Variants in ATRX observed in about 807,000 individuals in gnomAD.
The protein encoded by ATRX is chromatin remodeler ATRX.
Under a neutral mutation model 172.6 loss-of-function variants are expected in ATRX, and 12 were observed. The ratio of observed to expected loss-of-function variants is 0.07; its 90% CI spans 0.04 to 0.11. ATRX has a LOEUF of 0.11. Ranked by LOEUF, ATRX falls within the 10% of genes least tolerant of loss-of-function variation. The probability of loss-of-function intolerance (pLI) is 1.00; values close to 1 mark genes in which losing one functional copy is unlikely to be tolerated. For synonymous variants in ATRX, 674 were observed against 594.7 expected (o/e 1.13, Z -1.94); for missense variants, 1,368 against 1,767.4 (o/e 0.77, Z 4.05).
intron 22 of ATRX, among the ~76,000 whole-genome samples, chrX:77,613,712 C>T (rs782564461): frequency 8.9e-6 from 1 of 112,056 alleles, no homozygotes; most frequent in African/African-American, 3.2e-5. Flanking sequence ...CATGTGAATC[C>T]CTTATCAGAT....
chrX:77,597,057 C>G, intron 25 of ATRX, among the ~76,000 whole-genome samples: 1 of 111,117 alleles, frequency 9.0e-6, no homozygotes, highest in South Asian at 3.8e-4. Context: ...ATTGGGGCAG[C>G]AGCAGCAGGG....
At chrX:77,514,566 G>A (rs1184874660) in intron 34 of ATRX, among the ~76,000 whole-genome samples, 1 of 112,217 alleles carries the variant, frequency 8.9e-6, no homozygotes, top group Non-Finnish European at 1.9e-5. Flanking sequence ...GGAGAAGATT[G>A]AAACTGGACC....
At chrX:77,549,941 G>A (rs181414267) in intron 30 of ATRX, among the ~76,000 whole-genome samples, 167 of 111,119 alleles carry the variant, frequency 1.5e-3, no homozygotes, top group African/African-American at 5.2e-3. Flanking sequence ...GCAATAGAAC[G>A]AGACCTTGTC....
At chrX:77,701,761 G>A (rs1273934600) in intron 2 of ATRX, among the ~76,000 whole-genome samples, 1 of 111,448 alleles carries the variant, frequency 9.0e-6, no homozygotes. Context: ...TAAAATGAAG[G>A]TATGAAACTA....
At chrX:77,607,993 G>A (rs1055382009) in intron 22 of ATRX, among the ~76,000 whole-genome samples, 1 of 110,917 alleles carries the variant, frequency 9.0e-6, no homozygotes, top group Non-Finnish European at 1.9e-5. Flanking sequence ...GCTATCCTGA[G>A]CTAAATGAAC....
chrX:77,605,300 C>T (rs1007749944), intron 22 of ATRX, among the ~76,000 whole-genome samples: 5 of 110,697 alleles, frequency 4.5e-5, no homozygotes, highest in Non-Finnish European at 9.5e-5. Flanking sequence ...TGGTGGTGGG[C>T]GCCTGTAATC....
At chrX:77,583,774 G>T (rs2065912888) in intron 27 of ATRX, among the ~76,000 whole-genome samples, 1 of 111,556 alleles carries the variant, frequency 9.0e-6, no homozygotes, top group African/African-American at 3.3e-5. Context: ...ATTCAACATA[G>T]TAGTGGAAGT....
intron 1 of ATRX, among the ~76,000 whole-genome samples, chrX:77,766,104 C>A (rs1443692281): frequency 1.8e-5 from 2 of 110,908 alleles, no homozygotes. Context: ...TACACAGACA[C>A]GGCAACCATC....
chrX:77,560,572 C>T (rs1295800761), intron 28 of ATRX, among the ~76,000 whole-genome samples: 2 of 111,053 alleles, frequency 1.8e-5, no homozygotes, highest in Admixed American at 9.6e-5. Flanking sequence ...ATAATCAACA[C>T]AAAATGTTTT....
chrX:77,626,850 A>C (rs2067876651), intron 19 of ATRX, among the ~76,000 whole-genome samples: 1 of 112,469 alleles, frequency 8.9e-6, no homozygotes, highest in Non-Finnish European at 1.9e-5. Flanking sequence ...TTTAACTTAA[A>C]AGAACTATTT....
At chrX:77,565,512 GAAAC>G (rs1344263421) in intron 28 of ATRX, among the ~76,000 whole-genome samples, 1 of 111,548 alleles carries the variant, frequency 9.0e-6, no homozygotes, top group Non-Finnish European at 1.9e-5. Flanking sequence ...TGAGACAAAT[GAAAC>G]AAACAGTCTC....
chrX:77,524,659 AC>A (rs1382910418), intron 30 of ATRX, among the ~76,000 whole-genome samples: 1 of 111,091 alleles, frequency 9.0e-6, no homozygotes, highest in African/African-American at 3.3e-5. Context: ...TTATCTTGCT[AC>A]CCCAATAAAC....
chrX:77,522,822 T>C (rs1166599355), intron 31 of ATRX, among the ~76,000 whole-genome samples: 2 of 112,065 alleles, frequency 1.8e-5, no homozygotes, highest in African/African-American at 6.5e-5. Flanking sequence ...GGCATTAATG[T>C]CTAATAATGA....
At chrX:77,746,165 G>A (rs1477095580) in intron 1 of ATRX, among the ~76,000 whole-genome samples, 1 of 110,650 alleles carries the variant, frequency 9.0e-6, no homozygotes, top group Non-Finnish European at 1.9e-5. Flanking sequence ...CAGGAGGTGG[G>A]AGATCATGAG....
At chrX:77,665,284 T>A in intron 10 of ATRX, among the ~76,000 whole-genome samples, 1 of 112,405 alleles carries the variant, frequency 8.9e-6, no homozygotes, top group East Asian at 2.8e-4. Flanking sequence ...AGGATGATAG[T>A]TTTGGACCTT....
rs782759941 is a variant in ATRX at position 77,582,348 on chromosome X, C to G, written c.6217+7486G>C. Among the ~76,000 whole-genome samples the G allele has an allele frequency of 1.4e-3, 153 of 105,877 alleles. 2 individuals are homozygous for G. Among genetic ancestry groups the G allele is most frequent in the African/African-American group, 5.0e-3 (144 of 28,919 alleles). The allele number at this position is 105,877 out of a possible 115,157, so 91.9% of individuals were successfully genotyped here. On this transcript the variant is annotated intron_variant, in intron 27 of 34. Coordinates refer to ENST00000373344, the MANE Select transcript of ATRX (RefSeq NM_000489.6). Reference sequence around the variant, plus strand: ...CTGAGAGGCAGAGGTTGCAGTGAGCCGAGATTGCGCCACTGTATTCCAGCC... The same window carrying G: ...CTGAGAGGCAGAGGTTGCAGTGAGCGGAGATTGCGCCACTGTATTCCAGCC...
chrX:77,769,961 G>A (rs1290409611), intron 1 of ATRX, among the ~76,000 whole-genome samples: 1 of 110,274 alleles, frequency 9.1e-6, no homozygotes, highest in African/African-American at 3.3e-5. Flanking sequence ...GCCGGGTGTG[G>A]TGGAACACGC....
chrX:77,645,409 G>A, intron 15 of ATRX, among the ~76,000 whole-genome samples: 1 of 111,779 alleles, frequency 8.9e-6, no homozygotes. Flanking sequence ...AAAGTGCTGG[G>A]ATTACAGGGG....
At chrX:77,563,702 CGTGTGTGTGTGTGTGTGTGTGT>C (rs201190876) in intron 28 of ATRX, among the ~76,000 whole-genome samples, 15 of 95,491 alleles carry the variant, frequency 1.6e-4, no homozygotes, top group Non-Finnish European at 3.1e-4. Flanking sequence ...TGTGTACATG[CGTGTGTGTGTGTGTGTGTGTGT>C]GTGTGTGTGT....
Sources: allele counts gnomAD v4.1 joint callset (sites outside exome capture counted in the v4.1 genomes callset), GRCh38; gene constraint gnomAD v4.1.1; transcripts MANE v1.5; gene names NCBI Gene and HGNC (gene_info 2026-07-23, HGNC 2026-07-21).